RCOR3: variants seen among roughly 807,000 people sequenced by gnomAD.
RCOR3 encodes the protein REST corepressor 3.
A neutral mutation model predicts 64.1 loss-of-function variants in RCOR3; 13 were observed. The ratio of observed to expected loss-of-function variants is 0.20; its 90% confidence interval spans 0.13 to 0.32. The LOEUF is 0.32. Among genes scored for constraint, RCOR3 ranks in the 10% least tolerant of loss-of-function variants. The probability of loss-of-function intolerance (pLI) is 1.00; values close to 1 mark genes in which losing one functional copy is unlikely to be tolerated. For synonymous variants in RCOR3, 215 were observed against 239.0 expected (o/e 0.90, Z 0.93); for missense variants, 489 against 701.2 (o/e 0.70, Z 3.42).
intron 2 of RCOR3, among the ~76,000 whole-genome samples, chr1:211,262,549 A>AACAT (rs1159814695): frequency 6.6e-6 from 1 of 152,148 alleles, no homozygotes; most frequent in Non-Finnish European, 1.5e-5. Context: ...TAAGTTAATA[A>AACAT]ACATACCTAT....
Position 211,260,034 on chromosome 1 carries a change from T to A in RCOR3, c.167-74T>A, listed in dbSNP as rs966724364. The A allele has an allele frequency of 4.1e-6, 6 of 1,477,258 alleles. No homozygotes were observed. In the African/African-American group the frequency reaches 8.7e-5, roughly 21 times the overall value. The allele number at this position is 1,477,258 out of a possible 1,614,324, so 91.5% of individuals were successfully genotyped here. A position where few individuals can be genotyped will look rare whatever the true frequency, so the allele number is the denominator to read the frequency against. The stretch of plus-strand genomic sequence containing the variant: ...TCCTCCATCTAGCGATTTTTATTTT[T>A]TAAGTGTCTCTTCCTTTTTCTTTCT... On this transcript the variant is annotated intron_variant, in intron 1 of 11. Transcript: ENST00000419091.
chr1:211,279,048 G>C (rs143602173), intron 6 of RCOR3, among the ~76,000 whole-genome samples, 190 bp from the exon 7 acceptor site: 4,291 of 152,102 alleles, frequency 0.028, 81 homozygotes, highest in South Asian at 0.073. Flanking sequence ...TTAGCCAGGC[G>C]TGGTGCTGGG....
At chr1:211,300,259 G>A (rs893687202) in intron 9 of RCOR3, among the ~76,000 whole-genome samples, 3 of 151,448 alleles carry the variant, frequency 2.0e-5, no homozygotes, top group Admixed American at 6.6e-5. Context: ...TAGTAGAGAC[G>A]GGATCTTGCT....
chr1:211,301,687 C>T (rs1571982167), intron 9 of RCOR3: 1 of 152,244 alleles, frequency 6.6e-6, no homozygotes, highest in Non-Finnish European at 1.5e-5. Context: ...TCTGTTTCCC[C>T]ACTTAAATCA....
chr1:211,279,213 T>C, intron 6 of RCOR3, 25 bp from the exon 7 acceptor site: 4 of 1,447,886 alleles, frequency 2.8e-6, no homozygotes, highest in South Asian at 1.2e-5. Context: ...GGGAATTAAG[T>C]GTACTAATTT....
chr1:211,259,823 C>T (rs1322549826), intron 1 of RCOR3, 97 bp downstream of exon 1: 8 of 1,215,224 alleles, frequency 6.6e-6, no homozygotes, highest in Middle Eastern at 5.7e-4. Context: ...CCCTCCCTCC[C>T]CTCAGAGCCT....
At chr1:211,278,016 T>TA in intron 5 of RCOR3, 101 bp from the exon 6 acceptor site, 1 of 1,064,310 alleles carries the variant, frequency 9.4e-7, no homozygotes, top group South Asian at 1.5e-5. Context: ...ACCCATGAAA[T>TA]ATTTTTTTAT....
chr1:211,271,516 A>G (rs1193758428), intron 3 of RCOR3: 1 of 633,300 alleles, frequency 1.6e-6, no homozygotes, highest in Admixed American at 2.1e-5. Flanking sequence ...TGATCATTCC[A>G]ATTTGTGTCA....
chr1:211,268,087 C>T (rs942480960), intron 2 of RCOR3, among the ~76,000 whole-genome samples: 13 of 152,056 alleles, frequency 8.5e-5, no homozygotes, highest in Admixed American at 3.3e-4. Context: ...TGTTGCATTT[C>T]GTGTTCTATT....
Position 211,313,794 on chromosome 1 carries a change from A to C in RCOR3, c.*26A>C, listed in dbSNP as rs201507731. The C allele has an allele frequency of 6.4e-7, 1 of 1,573,526 alleles. No homozygotes were observed. Among genetic ancestry groups the C allele is most frequent in the African/African-American group, 1.3e-5 (1 of 74,356 alleles). ...AAATTAAATTGGACACAGCTGCAGT[A>C]ACTTTTCACCCCATCATTATACCAG... On this transcript the variant is annotated 3_prime_UTR_variant, in exon 12 of 12. Transcript: ENST00000419091. This position sits in a 1 kb window ranked among gnomAD's most constrained non-coding sequence, Gnocchi z 4.7.
At chr1:211,305,837 C>T (rs1700795718) in intron 10 of RCOR3, among the ~76,000 whole-genome samples, 1 of 152,050 alleles carries the variant, frequency 6.6e-6, no homozygotes, top group South Asian at 2.1e-4. Flanking sequence ...TATATGTGGA[C>T]ATAACTTACA....
chr1:211,271,402 T>C, intron 3 of RCOR3, 93 bp downstream of exon 3: 1 of 928,270 alleles, frequency 1.1e-6, no homozygotes, highest in Non-Finnish European at 1.7e-6. Context: ...TTATAGATTC[T>C]CATAAGAAAA....
chr1:211,262,457 A>G (rs1056681734), intron 2 of RCOR3, among the ~76,000 whole-genome samples: 1 of 151,850 alleles, frequency 6.6e-6, no homozygotes, highest in Non-Finnish European at 1.5e-5. Flanking sequence ...TCTGATTTGG[A>G]GCTTTCATTG....
At chr1:211,275,984 G>C (rs1471991840) in intron 4 of RCOR3, among the ~76,000 whole-genome samples, 2 of 152,108 alleles carry the variant, frequency 1.3e-5, no homozygotes, top group Non-Finnish European at 2.9e-5. Flanking sequence ...CTACAAATCT[G>C]CTTTGTAGTC....
chr1:211,313,871 AG>A lies in RCOR3; in HGVS notation c.*105del. The A allele has an allele frequency of 8.9e-7, 1 of 1,118,970 alleles. No individual in the cohort carries two copies. The allele number at this position is 1,118,970 out of a possible 1,614,324, so 69.3% of individuals were successfully genotyped here. On this transcript the variant is annotated 3_prime_UTR_variant, in exon 12 of 12. Transcript: ENST00000419091. This position sits in a 1 kb window ranked among gnomAD's most constrained non-coding sequence, Gnocchi z 4.7. ...AAAGAATAATCATTTCTAGATACTG[AG>A]GCTGCGAACTAGTTCTGTGGCAGTG...
intron 8 of RCOR3, among the ~76,000 whole-genome samples, chr1:211,292,909 C>T (rs1699403356): frequency 2.0e-5 from 3 of 151,872 alleles, no homozygotes; most frequent in Middle Eastern, 3.4e-3. Context: ...CATGGTGAAA[C>T]CCCGTCTCTA....
intron 9 of RCOR3, chr1:211,302,702 T>G (rs927527837): frequency 6.6e-6 from 1 of 152,248 alleles, no homozygotes; most frequent in Non-Finnish European, 1.5e-5. Flanking sequence ...TGACCTGTTT[T>G]AAATTGATTT....
At chr1:211,267,526 C>T (rs1198754540) in intron 2 of RCOR3, among the ~76,000 whole-genome samples, 7 of 152,294 alleles carry the variant, frequency 4.6e-5, no homozygotes, top group African/African-American at 1.7e-4. Context: ...TGTTAGTTCC[C>T]ACAACTTGGA....
At chr1:211,278,733 A>G (rs1334804518) in intron 6 of RCOR3, among the ~76,000 whole-genome samples, 1 of 152,216 alleles carries the variant, frequency 6.6e-6, no homozygotes, top group Non-Finnish European at 1.5e-5. Context: ...GTTTGCTAAA[A>G]GAATTCTGTA....
Sources: gnomAD v4.1 joint callset for allele counts (sites outside exome capture counted in the v4.1 genomes callset) on GRCh38, gnomAD v4.1.1 for gene constraint, Gnocchi (gnomAD v3.1) non-coding constraint, MANE v1.5 for transcripts, NCBI Gene and HGNC (gene_info 2026-07-23, HGNC 2026-07-21) for gene names.